The following HMGCS1 variants were observed in gnomAD, a reference collection of about 807,000 sequenced individuals.
HMGCS1 encodes 3-hydroxy-3-methylglutaryl-CoA synthase 1.
A neutral mutation model predicts 52.3 loss-of-function variants in HMGCS1; 9 were observed. The observed-to-expected ratio is 0.17, with a 90% CI of 0.10 to 0.30. The LOEUF is 0.30. HMGCS1 is among the 10% of genes least tolerant of loss of function. The pLI, the probability that HMGCS1 is intolerant of heterozygous loss-of-function variation, is 1.00. For synonymous variants in HMGCS1, 176 were observed against 214.4 expected (o/e 0.82, Z 1.57); for missense variants, 320 against 620.9 (o/e 0.52, Z 5.15).
At chr5:43,295,158 A>G (rs1177428262) in intron 6 of HMGCS1, among the ~76,000 whole-genome samples, 1 of 152,242 alleles carries the variant, frequency 6.6e-6, no homozygotes, top group Non-Finnish European at 1.5e-5. Flanking sequence ...AGAATATTCA[A>G]TCAACTGAAT....
intron 2 of HMGCS1, among the ~76,000 whole-genome samples, chr5:43,306,245 A>T (rs550303887): frequency 8.6e-4 from 131 of 152,362 alleles, no homozygotes; most frequent in African/African-American, 2.7e-3. Flanking sequence ...TAGAATACAT[A>T]AAAGACCTAT....
At position 43,298,463 on chromosome 5, in the gene HMGCS1, A is replaced by G. The variant is rs566476755; in HGVS notation, c.448+55T>C. The G allele has an allele frequency of 1.0e-4, 143 of 1,370,758 alleles. No homozygotes were observed. The highest frequency in any genetic ancestry group is 4.0e-4 in the Admixed American group (21 of 52,708). 84.9% of individuals were successfully genotyped at this position (1,370,758 alleles called of 1,614,324 possible). ...ATTAATTAAAGTGTCATCTGGGTCT[A>G]TTGAACCTTAGAAAAAAATTTTGGG... On this transcript the variant is annotated intron_variant, in intron 3 of 10. Coordinates refer to ENST00000325110, the MANE Select transcript of HMGCS1 (RefSeq NM_001098272.3). The surrounding 1 kb of genome is among the most constrained non-coding windows in gnomAD (Gnocchi z 5.6).
Position 43,294,073 on chromosome 5 carries a change from G to A in HMGCS1, c.1166C>T (p.Thr389Ile), listed in dbSNP as rs149593489. Residue 389 changes from threonine (T) to isoleucine (I), a missense_variant, in exon 8 of 11, where the codon ACA becomes ATA. Physicochemically the swap from Thr to Ile is moderately conservative, Grantham distance 89. Coordinates refer to ENST00000325110, the MANE Select transcript of HMGCS1 (RefSeq NM_001098272.3). Reference protein sequence around the residue: ...LAATLYSLKVTQDATPGSALD... With the variant: ...LAATLYSLKVIQDATPGSALD... ...GCACTTACCCGGTGTAGCATCTTGT[G>A]TGACTTTAAGAGAGTACAGAGTGGC... 1 of 1,605,358 alleles carries A rather than the reference G, an allele frequency of 6.2e-7. No individual in the cohort carries two copies. The highest frequency in any genetic ancestry group is 1.1e-5 in the South Asian group (1 of 90,910).
At chr5:43,291,956 C>T (rs1275966632) in intron 10 of HMGCS1, among the ~76,000 whole-genome samples, 1 of 145,988 alleles carries the variant, frequency 6.8e-6, no homozygotes, top group African/African-American at 2.5e-5. Context: ...ATCCTGGTAT[C>T]ATTAATAAAA....
chr5:43,313,242 G>T (rs1427013488), intron 1 of HMGCS1, 114 bp downstream of exon 1: 1 of 152,466 alleles, frequency 6.6e-6, no homozygotes, highest in Non-Finnish European at 1.5e-5. Context: ...CCTACGTCCT[G>T]ACCCAGAGCC....
chr5:43,307,156 C>T (rs1323385625), intron 2 of HMGCS1, among the ~76,000 whole-genome samples: 5 of 151,302 alleles, frequency 3.3e-5, no homozygotes, highest in Middle Eastern at 3.4e-3. Flanking sequence ...CTGCAACCTC[C>T]GACTTCTGGG....
Position 43,297,988 on chromosome 5 carries a change from AATGCTTTCCC to A in HMGCS1, c.574+11_574+20del. ...AGCATATTGTGCTAAAAAAAACAAA[AATGCTTTCCC>A]AAGCACTTACCTCGTTCAAAAATTA... On this transcript the variant is annotated intron_variant, in intron 4 of 10. Transcript: ENST00000325110. 6.2e-7 allele frequency: 1 copy of A among 1,604,920 alleles called. No individual in the cohort carries two copies. The highest frequency in any genetic ancestry group is 8.5e-7 in the Non-Finnish European group (1 of 1,177,618).
At position 43,292,652 on chromosome 5, in the gene HMGCS1, G is replaced by T; in HGVS notation, c.1310-15C>A. 6.2e-7 allele frequency: 1 copy of T among 1,601,000 alleles called. No homozygotes were observed. Among genetic ancestry groups the T allele is most frequent in the South Asian group, 1.1e-5 (1 of 90,686 alleles). On this transcript the variant is annotated splice_polypyrimidine_tract_variant and intron_variant, in intron 9 of 10. Transcript: ENST00000325110. ...AATATAGTTGACTAAAGGAAAGGGAGAGAATATCTACAATTAGTTATGATA... is the reference window on the plus strand; with the variant it reads ...AATATAGTTGACTAAAGGAAAGGGATAGAATATCTACAATTAGTTATGATA...
chr5:43,308,320 C>G (rs1754678855), intron 1 of HMGCS1, among the ~76,000 whole-genome samples: 1 of 152,174 alleles, frequency 6.6e-6, no homozygotes, highest in South Asian at 2.1e-4. Context: ...TACAGTTGCC[C>G]TCCCCAGATC....
chr5:43,309,238 A>AT (rs766081777), intron 1 of HMGCS1, among the ~76,000 whole-genome samples: 13,218 of 142,608 alleles, frequency 0.093, 1,264 homozygotes, highest in African/African-American at 0.25. Flanking sequence ...ATTCCCTCAA[A>AT]TTTTTTTTTT....
chr5:43,295,885 A>C lies in HMGCS1; in HGVS notation c.772T>G (p.Phe258Val), dbSNP rs1332893805. 6.2e-7 allele frequency: 1 copy of C among 1,613,002 alleles called. No individual in the cohort carries two copies. Among genetic ancestry groups the C allele is most frequent in the Non-Finnish European group, 8.5e-7 (1 of 1,179,172 alleles). The change falls in exon 6 of 11, where the codon TTT becomes GTT. Residue 258 changes from phenylalanine to valine, a missense_variant. By Grantham distance (50) the Phe-to-Val change is conservative. This residue lies in a region of HMGCS1 where 213 missense variants were observed against 337.4 expected (regional missense o/e 0.63). Transcript: ENST00000325110. Reference sequence around the variant, plus strand: ...GGTGAGTGAAAGATCATGAAGCCAAAATCATTCAAGGTAAAATCTTTATCA... The same window carrying C: ...GGTGAGTGAAAGATCATGAAGCCAACATCATTCAAGGTAAAATCTTTATCA... ...GNDKDFTLND[F>V]GFMIFHSPYC...
intron 10 of HMGCS1, among the ~76,000 whole-genome samples, chr5:43,292,095 C>A (rs1459371336): frequency 6.8e-6 from 1 of 148,002 alleles, no homozygotes; most frequent in African/African-American, 2.5e-5. Context: ...CTGGTTCAAG[C>A]CATTCTCCTG....
At chr5:43,294,005 G>A in intron 8 of HMGCS1, 51 bp downstream of exon 8, 1 of 1,221,140 alleles carries the variant, frequency 8.2e-7, no homozygotes, top group Non-Finnish European at 1.2e-6. Context: ...GTGAGCCACT[G>A]TGCCTGGACT....
intron 10 of HMGCS1, among the ~76,000 whole-genome samples, chr5:43,291,932 C>T (rs1317692570): frequency 6.6e-6 from 1 of 151,210 alleles, no homozygotes; most frequent in Non-Finnish European, 1.5e-5. Context: ...CTCTCTATAT[C>T]AGTCTTCCTT....
intron 2 of HMGCS1, among the ~76,000 whole-genome samples, chr5:43,302,771 T>C (rs1754382771): frequency 6.6e-6 from 1 of 152,184 alleles, no homozygotes; most frequent in Non-Finnish European, 1.5e-5. Flanking sequence ...TAGGCTGGCT[T>C]TGCATAATTG....
chr5:43,302,173 T>G (rs1754351756), intron 2 of HMGCS1, among the ~76,000 whole-genome samples: 1 of 152,230 alleles, frequency 6.6e-6, no homozygotes, highest in African/African-American at 2.4e-5. Context: ...TAACACAAGA[T>G]TCTTAACTTT....
At position 43,294,923 on chromosome 5, in the gene HMGCS1, G is replaced by T. The variant is rs1001427398; in HGVS notation, c.906-62C>A. On this transcript the variant is annotated intron_variant, in intron 6 of 10. Coordinates refer to ENST00000325110, the MANE Select transcript of HMGCS1 (RefSeq NM_001098272.3). ...GCCTATGTTTTTATTACACTAAACA[G>T]CAGGCCTAATTAGGATTCAAATCTT... 66 of 1,064,254 alleles carry T rather than the reference G, an allele frequency of 6.2e-5. No homozygotes were observed. The South Asian group carries it at 1.0e-3, about 16-fold the overall frequency. The allele number at this position is 1,064,254 out of a possible 1,614,324, so 65.9% of individuals were successfully genotyped here. A position where few individuals can be genotyped will look rare whatever the true frequency, so the allele number is the denominator to read the frequency against.
intron 2 of HMGCS1, among the ~76,000 whole-genome samples, chr5:43,299,389 C>A (rs1754194480): frequency 1.3e-5 from 2 of 152,168 alleles, no homozygotes; most frequent in Admixed American, 1.3e-4. Flanking sequence ...GTGGCTCATG[C>A]CTGTAATCTC....
At chr5:43,291,944 AAATCCTGGTATCATTAATAAAACCT>A (rs1213762296) in intron 10 of HMGCS1, among the ~76,000 whole-genome samples, 54 of 151,062 alleles carry the variant, frequency 3.6e-4, no homozygotes, top group Non-Finnish European at 4.3e-4. Context: ...GTCTTCCTTT[AAATCCTGGTATCATTAATAAAACCT>A]AGTATTTACT....
Sources: allele counts gnomAD v4.1 joint callset (sites outside exome capture counted in the v4.1 genomes callset), GRCh38; gene constraint gnomAD v4.1.1; regional missense constraint gnomAD v4.1.1; non-coding constraint Gnocchi (gnomAD v3.1); transcripts MANE v1.5; gene names NCBI Gene and HGNC (gene_info 2026-07-23, HGNC 2026-07-21).